The following SOX5 variants were observed in gnomAD, a reference collection of about 807,000 sequenced individuals.
SOX5 encodes SRY-box transcription factor 5.
A neutral mutation model predicts 92.0 loss-of-function variants in SOX5; 9 were observed. That is an observed-to-expected ratio of 0.10 (90% confidence interval 0.06 to 0.17). The LOEUF (loss-of-function observed/expected upper bound fraction) is 0.17, where lower values mean the gene tolerates loss of function less well. SOX5 is among the 10% of genes least tolerant of loss of function. The pLI is 1.00. For synonymous variants in SOX5, 344 were observed against 336.3 expected (o/e 1.02, Z -0.25); for missense variants, 642 against 944.5 (o/e 0.68, Z 4.20).
chr12:24,394,019 C>A (rs1399664955), intron 1 of SOX5, among the ~76,000 whole-genome samples: 1 of 152,080 alleles, frequency 6.6e-6, no homozygotes, highest in Non-Finnish European at 1.5e-5. Context: ...GACCTGACCA[C>A]ACTATTAATT....
intron 10 of SOX5, among the ~76,000 whole-genome samples, chr12:23,570,986 T>C (rs1948269840): frequency 8.2e-6 from 1 of 122,016 alleles, no homozygotes. Context: ...TATATATATT[T>C]TCATATTTTT....
intron 3 of SOX5, among the ~76,000 whole-genome samples, chr12:24,224,046 C>A (rs542740028): frequency 6.6e-6 from 1 of 152,232 alleles, no homozygotes; most frequent in Admixed American, 6.5e-5. Context: ...CAGTGGTAGA[C>A]AGATGCCCCA....
rs768612625 is a variant in SOX5 at position 23,640,793 on chromosome 12, G to A, written c.1017+19C>T. On this transcript the variant is annotated intron_variant, in intron 8 of 14. Transcript: ENST00000451604. ...TATTTACTTAACCTTTGTCTCCTCT[G>A]TATTGTTTCCTGACTTACCTGCAGT... is the stretch of plus-strand genomic sequence containing the variant. 1.3e-6 allele frequency: 2 copies of A among 1,583,360 alleles called. No individual in the cohort carries two copies. Among genetic ancestry groups the A allele is most frequent in the Non-Finnish European group, 1.7e-6 (2 of 1,151,902 alleles).
chr12:23,566,588 T>C (rs1947136678), intron 10 of SOX5, among the ~76,000 whole-genome samples: 1 of 152,354 alleles, frequency 6.6e-6, no homozygotes, highest in Admixed American at 6.5e-5. Flanking sequence ...AGGATGTGTT[T>C]TGGAGCTGGG....
chr12:23,623,054 A>C (rs1276914445), intron 8 of SOX5, among the ~76,000 whole-genome samples: 1 of 152,168 alleles, frequency 6.6e-6, no homozygotes, highest in Non-Finnish European at 1.5e-5. Context: ...TTTAAACCAT[A>C]CAGGTCAAAT....
chr12:24,003,058 A>C (rs1052751093), intron 4 of SOX5, among the ~76,000 whole-genome samples: 4 of 152,108 alleles, frequency 2.6e-5, no homozygotes, highest in Non-Finnish European at 5.9e-5. Flanking sequence ...CAATCAATGA[A>C]AATTGACTAT....
intron 7 of SOX5, among the ~76,000 whole-genome samples, chr12:23,659,505 C>T (rs1273378922): frequency 6.6e-6 from 1 of 152,110 alleles, no homozygotes; most frequent in African/African-American, 2.4e-5. Context: ...CTTTATATGG[C>T]TATTTAGCAC....
chr12:23,542,645 A>G (rs1942332102), intron 13 of SOX5, among the ~76,000 whole-genome samples: 1 of 152,216 alleles, frequency 6.6e-6, no homozygotes, highest in South Asian at 2.1e-4. Context: ...ACTTAAGGTT[A>G]CTAAAAGTAT....
chr12:24,305,387 C>T (rs1948452757), intron 2 of SOX5, among the ~76,000 whole-genome samples: 2 of 152,108 alleles, frequency 1.3e-5, no homozygotes, highest in African/African-American at 2.4e-5. Context: ...AGCTTGTCTA[C>T]AGAGATGGGG....
intron 9 of SOX5, among the ~76,000 whole-genome samples, chr12:23,577,198 T>A (rs1460322345): frequency 0.015 from 1,985 of 132,000 alleles, 46 homozygotes; most frequent in African/African-American, 0.033. Flanking sequence ...TATATTTTTT[T>A]TTTTTTTTTT....
intron 3 of SOX5, among the ~76,000 whole-genome samples, chr12:23,769,429 T>C (rs889870932): frequency 7.9e-5 from 12 of 152,228 alleles, no homozygotes; most frequent in Non-Finnish European, 1.6e-4. Context: ...GGTAGTTCTC[T>C]ATGGGGCTAC....
intron 6 of SOX5, among the ~76,000 whole-genome samples, chr12:23,701,860 T>A (rs895443904): frequency 1.3e-5 from 2 of 152,056 alleles, no homozygotes; most frequent in African/African-American, 4.8e-5. Context: ...TCTCTTCTAT[T>A]TCTCTTTGTT....
rs78384720 is a variant in SOX5 at position 24,519,763 on chromosome 12, G to T, written c.-251+42566C>A. 8.4e-3 allele frequency among the ~76,000 whole-genome samples: 1,275 copies of T among 152,244 alleles called. 20 individuals carry two copies. The highest frequency in any genetic ancestry group is 0.03 in the African/African-American group (1,235 of 41,554). On this transcript the variant is annotated intron_variant, in intron 1 of 4. Coordinates refer to the SOX5 transcript ENST00000446891. ...TGAAACCACTGGAGGCTTTAAACAG[G>T]AGTGAAATGATTCGTACACATCTTA...
At chr12:23,755,582 C>T in intron 4 of SOX5, 56 bp downstream of exon 4, 1 of 1,254,952 alleles carries the variant, frequency 8.0e-7, no homozygotes. Context: ...ATTACTATTT[C>T]TGAATATCAA....
chr12:23,621,346 A>G (rs1389534198), intron 8 of SOX5, among the ~76,000 whole-genome samples: 1 of 152,140 alleles, frequency 6.6e-6, no homozygotes, highest in African/African-American at 2.4e-5. Context: ...TCTATTTTGC[A>G]TGATGAAAAT....
intron 2 of SOX5, among the ~76,000 whole-genome samples, chr12:24,301,900 A>C (rs1277544190): frequency 6.6e-6 from 1 of 152,354 alleles, no homozygotes; most frequent in East Asian, 1.9e-4. Flanking sequence ...AAATACAGCA[A>C]CTACATCAGT....
chr12:23,876,556 GGAA>G (rs1401611566), intron 2 of SOX5, among the ~76,000 whole-genome samples: 1 of 152,182 alleles, frequency 6.6e-6, no homozygotes, highest in East Asian at 1.9e-4. Flanking sequence ...CAACCATTGT[GGAA>G]GACAGTGTGG....
intron 4 of SOX5, among the ~76,000 whole-genome samples, chr12:24,056,719 T>G (rs1958143790): frequency 6.6e-6 from 1 of 151,778 alleles, no homozygotes; most frequent in Admixed American, 6.6e-5. Context: ...CTCACGCCTG[T>G]AATCCCAGCA....
chr12:24,092,173 C>A (rs1944734037), intron 4 of SOX5, among the ~76,000 whole-genome samples: 1 of 152,150 alleles, frequency 6.6e-6, no homozygotes, highest in South Asian at 2.1e-4. Flanking sequence ...GAGAAAAATT[C>A]TCAGATTACA....
Sources: allele counts gnomAD v4.1 joint callset (sites outside exome capture counted in the v4.1 genomes callset), GRCh38; gene constraint gnomAD v4.1.1; transcripts MANE v1.5; gene names NCBI Gene and HGNC (gene_info 2026-07-23, HGNC 2026-07-21).